Variants in AVEN observed in about 807,000 individuals in gnomAD.
AVEN encodes apoptosis and caspase activation inhibitor.
AVEN carries 41 observed loss-of-function variants against 38.1 expected under a neutral mutation model. That is an observed-to-expected ratio of 1.08 (90% CI 0.84 to 1.40). The LOEUF (loss-of-function observed/expected upper bound fraction) is 1.40. AVEN is among the 40% of genes most tolerant of loss of function. The pLI, the probability that AVEN is intolerant of heterozygous loss-of-function variation, is 0.00. For synonymous variants in AVEN, 206 were observed against 171.8 expected, an observed-to-expected ratio of 1.20 and a Z score of -1.56; for missense variants, 605 against 438.8, an observed-to-expected ratio of 1.38 and a Z score of -3.38.
chr15:33,855,277 A>C (rs963661408), downstream of AVEN, among the ~76,000 whole-genome samples: 10 of 151,966 alleles, frequency 6.6e-5, no homozygotes, highest in African/African-American at 2.4e-4. Context: ...GGCTCACTGC[A>C]ACCTCCGACT....
chr15:33,855,412 C>T (rs2079549319), downstream of AVEN, among the ~76,000 whole-genome samples: 1 of 152,182 alleles, frequency 6.6e-6, no homozygotes, highest in African/African-American at 2.4e-5. Context: ...CCATGTTGGC[C>T]AGGCTGGTCT....
chr15:33,980,795 A>G (rs1365388503), intron 2 of AVEN, among the ~76,000 whole-genome samples: 1 of 152,220 alleles, frequency 6.6e-6, no homozygotes, highest in African/African-American at 2.4e-5. Context: ...TCCCATGTGT[A>G]CCATATGCAA....
downstream of AVEN, chr15:33,853,794 T>G: frequency 7.2e-7 from 1 of 1,395,514 alleles, no homozygotes. Context: ...GTGGTCTGGC[T>G]TAGGTGTTTC....
chr15:33,906,046 T>C (rs1359074885), intron 2 of AVEN, among the ~76,000 whole-genome samples: 1 of 152,140 alleles, frequency 6.6e-6, no homozygotes, highest in African/African-American at 2.4e-5. Flanking sequence ...AGTTGTTAAA[T>C]TGCATTTTAT....
intron 5 of AVEN, among the ~76,000 whole-genome samples, chr15:34,058,442 A>G (rs1460191054): frequency 6.6e-6 from 1 of 152,072 alleles, no homozygotes. Flanking sequence ...ACAAACCTAA[A>G]CTAAGTTGTT....
At chr15:33,875,209 C>T (rs978664287) in intron 3 of AVEN, among the ~76,000 whole-genome samples, 1 of 152,176 alleles carries the variant, frequency 6.6e-6, no homozygotes, top group Admixed American at 6.5e-5. Flanking sequence ...TCAGCCACCT[C>T]TCTGAAGCTG....
chr15:34,072,395 G>A (rs562660773), intron 1 of AVEN, among the ~76,000 whole-genome samples: 1 of 151,978 alleles, frequency 6.6e-6, no homozygotes, highest in South Asian at 2.1e-4. Flanking sequence ...GGCAGATCAC[G>A]AGGTCAGGAG....
intron 2 of AVEN, among the ~76,000 whole-genome samples, chr15:33,951,592 C>T (rs1024615817): frequency 7.0e-6 from 1 of 143,698 alleles, no homozygotes; most frequent in African/African-American, 2.5e-5. Flanking sequence ...ATTTGCCATC[C>T]AAAAAAAAAA....
intron 2 of AVEN, among the ~76,000 whole-genome samples, chr15:33,921,466 CT>C (rs1335394005): frequency 1.3e-5 from 2 of 151,958 alleles, no homozygotes; most frequent in Non-Finnish European, 2.9e-5. Flanking sequence ...GAAGAAGGAA[CT>C]TAGGAAAAGT....
chr15:33,854,973 G>T (rs758572058), downstream of AVEN: 79 of 1,487,982 alleles, frequency 5.3e-5, no homozygotes, highest in Non-Finnish European at 6.9e-5. Flanking sequence ...AAAAAGAACA[G>T]CAGGTAGTAT....
intron 2 of AVEN, among the ~76,000 whole-genome samples, chr15:33,901,208 A>C (rs899083936): frequency 8.5e-5 from 13 of 152,166 alleles, no homozygotes; most frequent in Admixed American, 4.6e-4. Flanking sequence ...CGGAGCTTGC[A>C]GTGAGCGGAG....
intron 2 of AVEN, among the ~76,000 whole-genome samples, chr15:33,879,012 C>A (rs1361694722): frequency 6.6e-6 from 1 of 151,930 alleles, no homozygotes; most frequent in Non-Finnish European, 1.5e-5. Context: ...GTAAAAAAGG[C>A]ATGCTATATA....
At chr15:34,073,264 C>G (rs1316165581) in intron 1 of AVEN, among the ~76,000 whole-genome samples, 1 of 144,254 alleles carries the variant, frequency 6.9e-6, no homozygotes, top group Admixed American at 7.0e-5. Context: ...CCTGTGTTCG[C>G]CAGGATGGTC....
At chr15:34,017,884 T>A (rs1032921060) in intron 1 of AVEN, among the ~76,000 whole-genome samples, 2 of 152,140 alleles carry the variant, frequency 1.3e-5, no homozygotes, top group Non-Finnish European at 2.9e-5. Flanking sequence ...ACAACAGTGG[T>A]CCCATAAGGT....
At chr15:33,932,834 C>CAAATAAATAAATAAATAAATAAAT (rs368767063) in intron 2 of AVEN, among the ~76,000 whole-genome samples, 11 of 139,978 alleles carry the variant, frequency 7.9e-5, no homozygotes, top group East Asian at 2.0e-4. Flanking sequence ...ACAAAATAAA[C>CAAATAAATAAATAAATAAATAAAT]AAACAAATAA....
At chr15:33,924,078 C>G (rs1028905046) in intron 2 of AVEN, among the ~76,000 whole-genome samples, 18 of 152,106 alleles carry the variant, frequency 1.2e-4, no homozygotes, top group Non-Finnish European at 1.8e-4. Flanking sequence ...CTATCCCCCC[C>G]TTTTCTGGTC....
intron 2 of AVEN, among the ~76,000 whole-genome samples, chr15:33,941,117 A>G (rs944325330): frequency 6.6e-6 from 1 of 152,192 alleles, no homozygotes; most frequent in African/African-American, 2.4e-5. Context: ...AAGAAATCTG[A>G]TTTCTACTGT....
At chr15:34,058,692 C>T (rs1900239764) in intron 5 of AVEN, among the ~76,000 whole-genome samples, 1 of 151,956 alleles carries the variant, frequency 6.6e-6, no homozygotes, top group Non-Finnish European at 1.5e-5. Flanking sequence ...TTTCTTCAGG[C>T]CTTCTCTGCC....
intron 1 of AVEN, among the ~76,000 whole-genome samples, chr15:34,004,903 C>A (rs1439365347): frequency 1.3e-5 from 2 of 151,722 alleles, no homozygotes; most frequent in Non-Finnish European, 2.9e-5. Flanking sequence ...TTACAAAATC[C>A]TTATCAAGAA....
Sources: gnomAD v4.1 joint callset for allele counts (sites outside exome capture counted in the v4.1 genomes callset) on GRCh38, gnomAD v4.1.1 for gene constraint, MANE v1.5 for transcripts, NCBI Gene and HGNC (gene_info 2026-07-23, HGNC 2026-07-21) for gene names.